Variants in CATIP observed in about 807,000 individuals in gnomAD.
CATIP encodes ciliogenesis-associated TTC17-interacting protein.
In CATIP, 40 loss-of-function variants were observed where a neutral mutation model predicts 42.5. The observed-to-expected ratio is 0.94, with a 90% CI of 0.73 to 1.22. The LOEUF (loss-of-function observed/expected upper bound fraction) is 1.22. CATIP is among the 50% of genes most tolerant of loss of function. The pLI, the probability that CATIP is intolerant of heterozygous loss-of-function variation, is 0.00. For synonymous variants in CATIP, 222 were observed against 200.2 expected, an observed-to-expected ratio of 1.11 and a Z score of -0.92; for missense variants, 489 against 496.0, an observed-to-expected ratio of 0.99 and a Z score of 0.13.
rs1695511235 is a variant in CATIP, at chr2:218,367,723, A to C, written c.923A>C (p.Glu308Ala). 2 of 1,594,804 alleles carry C rather than the reference A, an allele frequency of 1.3e-6. No individual in the cohort carries two copies. Among genetic ancestry groups the C allele is most frequent in the East Asian group, 4.6e-5 (2 of 43,910 alleles). The change falls in exon 10 of 10, where the codon GAG becomes GCG. Residue 308 changes from glutamate to alanine, a missense_variant and splice_region_variant. Coordinates refer to ENST00000289388, the MANE Select transcript of CATIP (RefSeq NM_198559.2). ...GGCTCGGGCTCTGTCCCCTGCCAGG[A>C]GGAGCTCCGGCTCGGCCACGCCAGC... ...ELYSKFLDRK[E>A]ELRLGHASYL...
In CATIP at chr2:218,367,767, G is replaced by C; in HGVS notation, c.967G>C (p.Glu323Gln). The C allele has an allele frequency of 1.2e-6, 2 of 1,610,692 alleles. No individual in the cohort carries two copies. The highest frequency in any genetic ancestry group is 8.5e-7 in the Non-Finnish European group (1 of 1,179,660). The change falls in exon 10 of 10, where the codon GAA (glutamate) becomes CAA (glutamine). Residue 323 changes from glutamate to glutamine, a missense_variant. Physicochemically the swap from Glu to Gln is conservative, Grantham distance 29. Coordinates refer to ENST00000289388, the MANE Select transcript of CATIP (RefSeq NM_198559.2). ...CGCCAGCTATCTGCGGCAGCACCCC[G>C]AAGCCCACGCGCTCATCTCCGACTT... ...GHASYLRQHPEAHALISDFLL... is the reference protein window; with the variant it reads ...GHASYLRQHPQAHALISDFLL...
At chr2:218,364,010 C>A (rs918614403) in intron 6 of CATIP, among the ~76,000 whole-genome samples, 1 of 152,218 alleles carries the variant, frequency 6.6e-6, no homozygotes, top group East Asian at 1.9e-4. Context: ...TGCCACTGAA[C>A]ACACAATTTC....
rs764369205 is a variant in CATIP at position 218,367,005 on chromosome 2, ATGT to A, written c.756-15_756-13del. The stretch of plus-strand genomic sequence containing the variant: ...GGTCTGGGAAGATTCTCACTCTCAC[ATGT>A]TGTGTTGCACTCCAGGCACCTGGCC... On this transcript the variant is annotated splice_polypyrimidine_tract_variant and intron_variant, in intron 7 of 9. Coordinates refer to ENST00000289388, the MANE Select transcript of CATIP (RefSeq NM_198559.2). 6.2e-7 allele frequency: 1 copy of A among 1,602,038 alleles called. No individual in the cohort carries two copies. The highest frequency in any genetic ancestry group is 1.3e-5 in the African/African-American group (1 of 74,766).
chr2:218,358,773 A>G (rs182326451), intron 4 of CATIP, among the ~76,000 whole-genome samples: 1 of 151,558 alleles, frequency 6.6e-6, no homozygotes, highest in Admixed American at 6.6e-5. Context: ...AGTCCCAGCT[A>G]CTTGGGAGGC....
intron 4 of CATIP, among the ~76,000 whole-genome samples, chr2:218,359,341 C>CAA (rs140677940): frequency 0.03 from 2,346 of 79,280 alleles, 74 homozygotes; most frequent in South Asian, 0.052. Context: ...GACTCTGTCT[C>CAA]AAAAAAAAAA....
chr2:218,362,980 A>G, intron 6 of CATIP, 78 bp downstream of exon 6: 1 of 1,412,070 alleles, frequency 7.1e-7, no homozygotes, highest in Non-Finnish European at 9.6e-7. Flanking sequence ...GATGGGGAAC[A>G]GCTGTGGAGT....
rs746373171 is a variant in CATIP, at chr2:218,367,855, G to C, written c.1055G>C (p.Gly352Ala). Reference sequence around the variant, plus strand: ...GTCACCTTCGCCGCCGAGTTCTTCGGCCCCTTCGACCCGTGGCGTCCGTCG... The same window carrying C: ...GTCACCTTCGCCGCCGAGTTCTTCGCCCCCTTCGACCCGTGGCGTCCGTCG... ...DVVTFAAEFF[G>A]PFDPWRPSSP... Residue 352 changes from glycine (G) to alanine (A), a missense_variant, in exon 10 of 10, where the codon GGC becomes GCC. Transcript: ENST00000289388. 1.9e-6 allele frequency: 3 copies of C among 1,613,078 alleles called. No individual in the cohort carries two copies. In the African/African-American group the frequency reaches 4.0e-5, roughly 21 times the overall value.
At chr2:218,360,139 T>TTTTGTTTGTTTG (rs34103015) in intron 4 of CATIP, among the ~76,000 whole-genome samples, 4 of 149,406 alleles carry the variant, frequency 2.7e-5, no homozygotes, top group Non-Finnish European at 4.4e-5. Flanking sequence ...CTGCTTGGTT[T>TTTTGTTTGTTTG]TTTGTTTGTT....
chr2:218,367,178 G>A (rs1260004586), intron 8 of CATIP, 78 bp downstream of exon 8: 13 of 1,130,040 alleles, frequency 1.2e-5, no homozygotes, highest in Admixed American at 4.0e-5. Context: ...GGATGCAGGG[G>A]GCTGGACCCA....
intron 8 of CATIP, 96 bp from the exon 9 acceptor site, chr2:218,367,334 A>C: frequency 1.7e-6 from 2 of 1,190,656 alleles, no homozygotes; most frequent in Non-Finnish European, 2.5e-6. Flanking sequence ...CTGGGGTTTC[A>C]CCTGAGCCTT....
chr2:218,365,410 T>G (rs1695396674), intron 7 of CATIP: 1 of 139,922 alleles, frequency 7.1e-6, no homozygotes, highest in Non-Finnish European at 1.6e-5. Context: ...AGACTCCGTC[T>G]CAAAAAAAAA....
rs780846176 is a variant in CATIP, at chr2:218,364,685, G to A, written c.688G>A (p.Val230Met). Residue 230 changes from valine to methionine, a missense_variant, in exon 7 of 10, where the codon GTG becomes ATG. Coordinates refer to ENST00000289388, the MANE Select transcript of CATIP (RefSeq NM_198559.2). ...VDHQQAEVFI[V>M]EQTVHAEEGI... ...CCATCAGCAGGCTGAAGTCTTCATC[G>A]TGGAGCAGACTGTCCACGCGGAGGA... 5.8e-5 allele frequency: 93 copies of A among 1,613,874 alleles called. No homozygotes were observed. The highest frequency in any genetic ancestry group is 7.2e-5 in the Non-Finnish European group (85 of 1,179,946).
chr2:218,360,544 G>A, intron 4 of CATIP, 29 bp from the exon 5 acceptor site: 1 of 1,587,210 alleles, frequency 6.3e-7, no homozygotes, highest in Admixed American at 1.7e-5. Flanking sequence ...GGGAGTCCCT[G>A]ATCCTCCCCC....
At chr2:218,363,492 A>C (rs909856545) in intron 6 of CATIP, among the ~76,000 whole-genome samples, 56 of 149,110 alleles carry the variant, frequency 3.8e-4, no homozygotes, top group African/African-American at 8.6e-4. Flanking sequence ...TCTCAAAAAA[A>C]AAAAACAAAA....
chr2:218,362,157 C>T (rs1377287140), intron 5 of CATIP, among the ~76,000 whole-genome samples: 1 of 151,950 alleles, frequency 6.6e-6, no homozygotes, highest in African/African-American at 2.4e-5. Context: ...GGAGTGGAGA[C>T]CAGCCTGGCC....
At chr2:218,362,958 G>A in intron 6 of CATIP, 56 bp downstream of exon 6, 1 of 1,525,890 alleles carries the variant, frequency 6.6e-7, no homozygotes, top group East Asian at 2.3e-5. Flanking sequence ...GAAAAGGCGT[G>A]AAAAGCACTG....
Position 218,364,760 on chromosome 2 carries a change from G to C in CATIP, c.755+8G>C. On this transcript the variant is annotated splice_region_variant and intron_variant, in intron 7 of 9. Coordinates refer to ENST00000289388, the MANE Select transcript of CATIP (RefSeq NM_198559.2). ...CTACCTGCTCTCCGATGGGTGAGCT[G>C]CTGATGGTGGGCCCAGAGGGGTGGT... The C allele has an allele frequency of 6.2e-7, 1 of 1,610,874 alleles. No individual in the cohort carries two copies.
intron 6 of CATIP, among the ~76,000 whole-genome samples, chr2:218,364,407 A>G (rs6741562): frequency 0.032 from 4,871 of 152,240 alleles, 104 homozygotes; most frequent in African/African-American, 0.052. Flanking sequence ...TTTGCCAACT[A>G]GAAGCACCTG....
In CATIP at chr2:218,367,968, G is replaced by C. The variant is rs1348333935; in HGVS notation, c.*4G>C. Reference sequence around the variant, plus strand: ...CGCCCGCTCGGGGGCGGCCTAAGCGGGGCCCAGGCCCGGACAGGGCAGGAA... The same window carrying C: ...CGCCCGCTCGGGGGCGGCCTAAGCGCGGCCCAGGCCCGGACAGGGCAGGAA... On this transcript the variant is annotated 3_prime_UTR_variant, in exon 10 of 10. Coordinates refer to ENST00000289388, the MANE Select transcript of CATIP (RefSeq NM_198559.2). 6.4e-7 allele frequency: 1 copy of C among 1,567,976 alleles called. No individual in the cohort carries two copies. The highest frequency in any genetic ancestry group is 8.6e-7 in the Non-Finnish European group (1 of 1,161,834).
Sources: allele counts gnomAD v4.1 joint callset (sites outside exome capture counted in the v4.1 genomes callset), GRCh38; gene constraint gnomAD v4.1.1; transcripts MANE v1.5; gene names NCBI Gene and HGNC (gene_info 2026-07-23, HGNC 2026-07-21).